Variants in TAF13 observed in about 807,000 individuals in gnomAD.
TAF13 encodes transcription initiation factor TFIID subunit 13.
Under a neutral mutation model 18.7 loss-of-function variants are expected in TAF13, and 9 were observed. That is an observed-to-expected ratio of 0.48 (90% confidence interval 0.29 to 0.84). The LOEUF is 0.84. Ranked by LOEUF, TAF13 falls within the 40% of genes least tolerant of loss-of-function variation. The probability of loss-of-function intolerance (pLI) is 0.08; values close to 1 mark genes in which losing one functional copy is unlikely to be tolerated. For synonymous variants in TAF13, 49 were observed against 44.1 expected (o/e 1.11, Z -0.44); for missense variants, 105 against 146.5 (o/e 0.72, Z 1.46).
chr1:109,069,394 C>A (rs1664011414), intron 2 of TAF13, among the ~76,000 whole-genome samples: 1 of 152,052 alleles, frequency 6.6e-6, no homozygotes, highest in African/African-American at 2.4e-5. Context: ...ACTTACAATA[C>A]CTAATACAAT....
chr1:109,074,866 A>G, intron 2 of TAF13, 121 bp downstream of exon 2: 2 of 724,076 alleles, frequency 2.8e-6, no homozygotes, highest in Non-Finnish European at 2.3e-6. Context: ...ACAGAATTTG[A>G]TAGGCTAGTC....
Position 109,075,001 on chromosome 1 carries a change from A to T in TAF13, c.92T>A (p.Leu31His), listed in dbSNP as rs1060505030. The T allele has an allele frequency of 1.9e-6, 3 of 1,598,532 alleles. No homozygotes were observed. Among genetic ancestry groups the T allele is most frequent in the East Asian group, 2.2e-5 (1 of 44,642 alleles). ...AEGGQGKRKR[L>H]FSKELRCMMY... The stretch of plus-strand genomic sequence containing the variant: ...ATACTACTTACATTCTTTAGAAAAA[A>T]GTCTCTTTCTTTTACCCTGTCCACC... The change falls in exon 2 of 4, where the codon CTT (leucine) becomes CAT (histidine). Residue 31 changes from leucine to histidine, a missense_variant. By Grantham distance (99) the Leu-to-His change is moderately conservative. Transcript: ENST00000338366.
At chr1:109,070,168 G>A (rs1201982914) in intron 2 of TAF13, among the ~76,000 whole-genome samples, 1 of 152,084 alleles carries the variant, frequency 6.6e-6, no homozygotes, top group African/African-American at 2.4e-5. Context: ...TAGTTCCCTC[G>A]AATCCGATAG....
At chr1:109,069,991 A>T (rs951466536) in intron 2 of TAF13, among the ~76,000 whole-genome samples, 1 of 152,182 alleles carries the variant, frequency 6.6e-6, no homozygotes, top group African/African-American at 2.4e-5. Flanking sequence ...CATATGCCCT[A>T]TATCCAGCTT....
intron 2 of TAF13, among the ~76,000 whole-genome samples, chr1:109,072,413 T>C (rs963831257): frequency 1.7e-4 from 26 of 151,962 alleles, no homozygotes; most frequent in African/African-American, 6.3e-4. Flanking sequence ...GGAGAATCAA[T>C]ACATTATAAT....
chr1:109,066,745 C>T (rs575622381), intron 2 of TAF13, among the ~76,000 whole-genome samples: 2 of 152,268 alleles, frequency 1.3e-5, no homozygotes, highest in African/African-American at 4.8e-5. Flanking sequence ...GAGACAGAGT[C>T]TCGCTCTGTC....
chr1:109,066,706 T>TTTTG (rs561171126), intron 2 of TAF13, among the ~76,000 whole-genome samples: 28 of 151,960 alleles, frequency 1.8e-4, no homozygotes, highest in Middle Eastern at 6.8e-3. Context: ...CAAATACTTT[T>TTTTG]TTTGTTTGTT....
intron 2 of TAF13, among the ~76,000 whole-genome samples, chr1:109,074,098 C>CA (rs1664135681): frequency 6.6e-6 from 1 of 152,224 alleles, no homozygotes; most frequent in Admixed American, 6.5e-5. Flanking sequence ...TCATTGAGAA[C>CA]GGGCCATGAT....
intron 2 of TAF13, among the ~76,000 whole-genome samples, chr1:109,071,156 T>C (rs1664043085): frequency 6.6e-6 from 1 of 151,238 alleles, no homozygotes; most frequent in Non-Finnish European, 1.5e-5. Context: ...ATTAGTTGGG[T>C]GTGGCCAGGC....
At chr1:109,065,527 AAATACTGG>A (rs1571295238) in intron 3 of TAF13, among the ~76,000 whole-genome samples, 1 of 149,848 alleles carries the variant, frequency 6.7e-6, no homozygotes, top group East Asian at 1.9e-4. Flanking sequence ...GCGTATCTTT[AAATACTGG>A]AAAAGGAGGG....
intron 2 of TAF13, among the ~76,000 whole-genome samples, chr1:109,069,324 G>C (rs933981793): frequency 2.6e-5 from 4 of 152,000 alleles, no homozygotes; most frequent in Non-Finnish European, 5.9e-5. Flanking sequence ...ATATAAAATG[G>C]CATAGTATTT....
At chr1:109,071,814 T>C (rs2102109678) in intron 2 of TAF13, among the ~76,000 whole-genome samples, 1 of 151,074 alleles carries the variant, frequency 6.6e-6, no homozygotes, top group Non-Finnish European at 1.5e-5. Flanking sequence ...TAGCTAGGCG[T>C]CGTGGCATGT....
intron 2 of TAF13, among the ~76,000 whole-genome samples, chr1:109,070,173 C>T (rs1664023952): frequency 6.6e-6 from 1 of 152,118 alleles, no homozygotes; most frequent in Non-Finnish European, 1.5e-5. Context: ...CCCTCGAATC[C>T]GATAGTTCCT....
rs1373331508 is a variant in TAF13 at position 109,075,060 on chromosome 1, C to T, written c.33G>A (p.Glu11=). MADEEEDPTF[E]EENEEIGGGA... Reference sequence around the variant, plus strand: ...CTCCTCCAATTTCTTCATTTTCTTCCTCAAACTAGAAGTTAAAATGTATAT... The same window carrying T: ...CTCCTCCAATTTCTTCATTTTCTTCTTCAAACTAGAAGTTAAAATGTATAT... The change falls in exon 2 of 4, where the codon GAG becomes GAA. Residue 11 remains glutamate, a synonymous_variant. Coordinates refer to ENST00000338366, the MANE Select transcript of TAF13 (RefSeq NM_005645.4). 1.9e-6 allele frequency: 3 copies of T among 1,605,978 alleles called. No individual in the cohort carries two copies. The highest frequency in any genetic ancestry group is 2.5e-6 in the Non-Finnish European group (3 of 1,177,418).
chr1:109,075,078 A>G lies in TAF13; in HGVS notation c.28-13T>C. 6.3e-7 allele frequency: 1 copy of G among 1,588,660 alleles called. No individual in the cohort carries two copies. Among genetic ancestry groups the G allele is most frequent in the Non-Finnish European group, 8.6e-7 (1 of 1,166,366 alleles). ...TTTCTTCCTCAAACTAGAAGTTAAA[A>G]TGTATATATAGAAATGTCAAATAAT... On this transcript the variant is annotated splice_polypyrimidine_tract_variant and intron_variant, in intron 1 of 3. Coordinates refer to ENST00000338366, the MANE Select transcript of TAF13 (RefSeq NM_005645.4).
At chr1:109,066,705 T>C (rs1451409356) in intron 2 of TAF13, among the ~76,000 whole-genome samples, 1 of 151,850 alleles carries the variant, frequency 6.6e-6, no homozygotes, top group East Asian at 1.9e-4. Context: ...CCAAATACTT[T>C]TTTTGTTTGT....
At chr1:109,067,998 T>A (rs1370467872) in intron 2 of TAF13, among the ~76,000 whole-genome samples, 1 of 152,198 alleles carries the variant, frequency 6.6e-6, no homozygotes, top group Non-Finnish European at 1.5e-5. Context: ...ATTCTTTTTT[T>A]TGCTCTCCTT....
intron 2 of TAF13, among the ~76,000 whole-genome samples, chr1:109,070,823 A>G (rs1456462568): frequency 2.0e-5 from 3 of 152,214 alleles, no homozygotes; most frequent in Non-Finnish European, 4.4e-5. Flanking sequence ...ATCTCAGTGG[A>G]ACAAAGGTCT....
At chr1:109,070,287 C>A (rs2358957) in intron 2 of TAF13, among the ~76,000 whole-genome samples, 73,314 of 151,694 alleles carry the variant, frequency 0.48, 18,444 homozygotes, top group South Asian at 0.56. Context: ...GGTGTGATCT[C>A]GGCTCACTGC....
Sources: allele counts gnomAD v4.1 joint callset (sites outside exome capture counted in the v4.1 genomes callset), GRCh38; gene constraint gnomAD v4.1.1; transcripts MANE v1.5; gene names NCBI Gene and HGNC (gene_info 2026-07-23, HGNC 2026-07-21).